The following SEL1L2 variants were observed in gnomAD, a reference collection of about 807,000 sequenced individuals.
SEL1L2 encodes the protein protein sel-1 homolog 2.
Under a neutral mutation model 98.8 loss-of-function variants are expected in SEL1L2, and 89 were observed. That is an observed-to-expected ratio of 0.90 (90% CI 0.76 to 1.07). The LOEUF (loss-of-function observed/expected upper bound fraction) is 1.07, where lower values mean the gene tolerates loss of function less well. Among genes scored for constraint, SEL1L2 ranks in the 50% least tolerant of loss-of-function variants. SEL1L2 has a pLI of 0.00. For missense variants in SEL1L2, 788 were observed against 812.0 expected (o/e 0.97, Z 0.36); for synonymous variants, 262 against 278.5 (o/e 0.94, Z 0.59).
chr20:13,930,578 C>T (rs530518758), intron 3 of SEL1L2, among the ~76,000 whole-genome samples: 20 of 152,178 alleles, frequency 1.3e-4, no homozygotes, highest in Non-Finnish European at 2.5e-4. Flanking sequence ...GTCAACATTT[C>T]GATGTCATAT....
At chr20:13,936,363 AG>A (rs1163119695) in intron 2 of SEL1L2, among the ~76,000 whole-genome samples, 5 of 152,240 alleles carry the variant, frequency 3.3e-5, no homozygotes, top group African/African-American at 1.2e-4. Context: ...GGAGGATGAC[AG>A]GGGCCCAAAT....
At chr20:13,936,288 A>C (rs1291147954) in intron 2 of SEL1L2, among the ~76,000 whole-genome samples, 1 of 152,198 alleles carries the variant, frequency 6.6e-6, no homozygotes, top group Non-Finnish European at 1.5e-5. Context: ...CTTTGGGAGA[A>C]ATGATAATAG....
Position 13,919,255 on chromosome 20 carries a change from A to G in SEL1L2, c.284-132T>C, listed in dbSNP as rs527854040. On this transcript the variant is annotated intron_variant, in intron 3 of 19. Coordinates refer to ENST00000284951, the MANE Select transcript of SEL1L2 (RefSeq NM_025229.2). Reference sequence around the variant, plus strand: ...TATTTTTTAAACCTCTGCATTCAAGAAGATCTGTTAATATTATTTCTTAGC... The same window carrying G: ...TATTTTTTAAACCTCTGCATTCAAGGAGATCTGTTAATATTATTTCTTAGC... 2.4e-4 allele frequency: 138 copies of G among 587,046 alleles called. 2 individuals are homozygous for G. Among genetic ancestry groups the G allele is most frequent in the Middle Eastern group, 1.8e-3 (4 of 2,188 alleles). 36.4% of individuals were successfully genotyped at this position (587,046 alleles called of 1,614,324 possible).
chr20:13,858,860 G>C (rs1022074481), intron 18 of SEL1L2, among the ~76,000 whole-genome samples: 7 of 152,188 alleles, frequency 4.6e-5, no homozygotes, highest in African/African-American at 1.7e-4. Flanking sequence ...TTGGTATCCA[G>C]CTCTGGTCTC....
intron 1 of SEL1L2, among the ~76,000 whole-genome samples, chr20:13,956,460 A>G (rs192230842): frequency 6.6e-6 from 1 of 152,276 alleles, no homozygotes; most frequent in East Asian, 1.9e-4. Flanking sequence ...GTATTTAATT[A>G]AATGTATCTA....
intron 2 of SEL1L2, among the ~76,000 whole-genome samples, chr20:13,939,043 T>TTTTTTTTTTG (rs2049611502): frequency 8.5e-6 from 1 of 117,630 alleles, no homozygotes; most frequent in Non-Finnish European, 1.7e-5. Flanking sequence ...TTGTTTTGTT[T>TTTTTTTTTTG]TTTTTTTTTT....
At chr20:13,888,965 T>TC (rs1303832081) in intron 5 of SEL1L2, among the ~76,000 whole-genome samples, 1 of 149,922 alleles carries the variant, frequency 6.7e-6, no homozygotes, top group African/African-American at 2.5e-5. Context: ...TCTTTTCTTT[T>TC]TTTTTTTTTT....
chr20:13,944,440 A>G lies in SEL1L2; in HGVS notation c.114+11636T>C, dbSNP rs76425159. Among the ~76,000 whole-genome samples, 332 of 152,336 alleles carry G rather than the reference A, an allele frequency of 2.2e-3. 2 individuals are homozygous for G. The highest frequency in any genetic ancestry group is 7.6e-3 in the African/African-American group (314 of 41,566). ...GATTCCGGATATTTGAAAGACCAAGATAACTGGGATATTGTGTATGAGAGA... is the reference window on the plus strand; with the variant it reads ...GATTCCGGATATTTGAAAGACCAAGGTAACTGGGATATTGTGTATGAGAGA... On this transcript the variant is annotated intron_variant, in intron 2 of 19. Coordinates refer to ENST00000284951, the MANE Select transcript of SEL1L2 (RefSeq NM_025229.2).
At chr20:13,979,679 T>C (rs1347847843) in intron 1 of SEL1L2, among the ~76,000 whole-genome samples, 3 of 152,206 alleles carry the variant, frequency 2.0e-5, no homozygotes, top group Admixed American at 1.3e-4. Flanking sequence ...TCTAGTTACT[T>C]ACAAATAAAC....
At chr20:13,983,668 T>A (rs921687331) in intron 1 of SEL1L2, among the ~76,000 whole-genome samples, 6 of 151,748 alleles carry the variant, frequency 4.0e-5, no homozygotes, top group African/African-American at 1.2e-4. Context: ...ATTACAGGCA[T>A]GCACCACCAC....
chr20:13,985,326 A>G (rs1229786887), intron 1 of SEL1L2, among the ~76,000 whole-genome samples: 1 of 152,206 alleles, frequency 6.6e-6, no homozygotes, highest in African/African-American at 2.4e-5. Flanking sequence ...ACACTTATGT[A>G]TAGACAATGC....
Position 13,881,438 on chromosome 20 carries a change from C to T in SEL1L2, c.958-3850G>A, listed in dbSNP as rs2046697411. 2.0e-5 allele frequency among the ~76,000 whole-genome samples: 3 copies of T among 152,140 alleles called. No homozygotes were observed. The South Asian group carries it at 6.2e-4, about 32-fold the overall frequency. ...TTGCCCTTACAAATTTGATATTATT[C>T]CTCTGCTAGGTTTAATTTAATTACG... On this transcript the variant is annotated intron_variant, in intron 10 of 19. Transcript: ENST00000284951.
chr20:13,965,825 C>T (rs982068958), intron 1 of SEL1L2, among the ~76,000 whole-genome samples: 1 of 151,868 alleles, frequency 6.6e-6, no homozygotes, highest in Non-Finnish European at 1.5e-5. Context: ...TGGTGGCATG[C>T]GCCTGTAGTC....
At chr20:13,947,182 T>C (rs2050053326) in intron 2 of SEL1L2, among the ~76,000 whole-genome samples, 1 of 152,032 alleles carries the variant, frequency 6.6e-6, no homozygotes, top group Admixed American at 6.5e-5. Flanking sequence ...GTGCTTTTTT[T>C]AGGCCGACCC....
At chr20:13,986,600 T>C (rs1454063511) in intron 1 of SEL1L2, among the ~76,000 whole-genome samples, 1 of 152,224 alleles carries the variant, frequency 6.6e-6, no homozygotes, top group Non-Finnish European at 1.5e-5. Flanking sequence ...TGAGTAATAT[T>C]CCATTGTATG....
At chr20:13,862,205 G>A (rs1404121763) in intron 17 of SEL1L2, among the ~76,000 whole-genome samples, 1 of 152,168 alleles carries the variant, frequency 6.6e-6, no homozygotes, top group Admixed American at 6.5e-5. Context: ...AAGTACTTTA[G>A]AATATGACTG....
chr20:13,871,416 GACTT>G (rs2046188102), intron 12 of SEL1L2, among the ~76,000 whole-genome samples: 1 of 152,072 alleles, frequency 6.6e-6, no homozygotes, highest in Non-Finnish European at 1.5e-5. Context: ...CCTTGAAAGT[GACTT>G]ACTCAAGGAG....
At chr20:13,939,040 G>GGTTTTTTGTTTTTTTTTTTTTTTTTTTT in intron 2 of SEL1L2, among the ~76,000 whole-genome samples, 5 of 114,072 alleles carry the variant, frequency 4.4e-5, no homozygotes, top group Non-Finnish European at 8.7e-5. Context: ...TGCTTGTTTT[G>GGTTTTTTGTTTTTTTTTTTTTTTTTTTT]TTTTTTTTTT....
intron 8 of SEL1L2, 85 bp from the exon 9 acceptor site, chr20:13,886,527 T>C (rs1318529124): frequency 2.8e-6 from 3 of 1,078,568 alleles, no homozygotes; most frequent in Non-Finnish European, 4.1e-6. Flanking sequence ...ACCGTTAGCT[T>C]ATTATCTTAA....
Sources: allele counts gnomAD v4.1 joint callset (sites outside exome capture counted in the v4.1 genomes callset), GRCh38; gene constraint gnomAD v4.1.1; transcripts MANE v1.5; gene names NCBI Gene and HGNC (gene_info 2026-07-23, HGNC 2026-07-21).